Variants in SNX30 observed in about 807,000 individuals in gnomAD.
SNX30 encodes the protein sorting nexin family member 30.
Under a neutral mutation model 46.4 loss-of-function variants are expected in SNX30, and 24 were observed. The ratio of observed to expected loss-of-function variants is 0.52; its 90% CI spans 0.37 to 0.73. SNX30 has a LOEUF of 0.73. SNX30 is among the 30% of genes least tolerant of loss of function. SNX30 has a pLI of 0.00. For missense variants in SNX30, 533 were observed against 555.7 expected (o/e 0.96, Z 0.41); for synonymous variants, 189 against 211.5 (o/e 0.89, Z 0.92).
At chr9:112,877,476 C>G (rs2131531858), downstream of SNX30, 1 of 152,256 alleles carries the variant, frequency 6.6e-6, no homozygotes, top group East Asian at 1.9e-4. Context: ...TGGTCTTGAC[C>G]TCATCTTTCC....
Position 112,868,911 on chromosome 9 carries a change from G to A in SNX30, c.*68G>A. 2 of 1,484,894 alleles carry A rather than the reference G, an allele frequency of 1.3e-6. No individual in the cohort carries two copies. The highest frequency in any genetic ancestry group is 4.5e-5 in the East Asian group (2 of 44,248). The allele number at this position is 1,484,894 out of a possible 1,614,324, so 92.0% of individuals were successfully genotyped here. A position where few individuals can be genotyped will look rare whatever the true frequency, so the allele number is the denominator to read the frequency against. ...TGGCACCCTATACCGGAATGTCCCT[G>A]CAGTGCCAGAGACGCAGTGCTGGGA... On this transcript the variant is annotated 3_prime_UTR_variant, in exon 9 of 9. Transcript: ENST00000374232.
At chr9:112,827,001 G>A (rs189455102) in intron 3 of SNX30, among the ~76,000 whole-genome samples, 244 of 152,320 alleles carry the variant, frequency 1.6e-3, no homozygotes, top group African/African-American at 5.5e-3. Flanking sequence ...GTGTGGGTCT[G>A]TAATTTTATT....
chr9:112,767,836 G>A (rs1009095812), intron 1 of SNX30, among the ~76,000 whole-genome samples: 4 of 152,080 alleles, frequency 2.6e-5, no homozygotes, highest in Non-Finnish European at 2.9e-5. Flanking sequence ...CTGAACTCAC[G>A]CGATCCTCCC....
intron 1 of SNX30, among the ~76,000 whole-genome samples, chr9:112,792,059 G>A (rs1449043134): frequency 6.6e-6 from 1 of 151,948 alleles, no homozygotes; most frequent in African/African-American, 2.4e-5. Context: ...TTTGATACCG[G>A]ATATAGATAG....
At chr9:112,813,618 T>C (rs556243679) in intron 2 of SNX30, among the ~76,000 whole-genome samples, 1 of 152,072 alleles carries the variant, frequency 6.6e-6, no homozygotes, top group African/African-American at 2.4e-5. Context: ...AGACTACAGG[T>C]ATGCACCACC....
At chr9:112,772,792 A>C (rs922004927) in intron 1 of SNX30, among the ~76,000 whole-genome samples, 1 of 152,226 alleles carries the variant, frequency 6.6e-6, no homozygotes, top group Non-Finnish European at 1.5e-5. Context: ...ATATGTCTTC[A>C]AGTGTTGATC....
chr9:112,794,610 G>A (rs180851837), intron 1 of SNX30, among the ~76,000 whole-genome samples: 28 of 152,286 alleles, frequency 1.8e-4, no homozygotes, highest in African/African-American at 6.5e-4. Context: ...TCATTCACTT[G>A]CCCATATTCC....
chr9:112,866,563 A>T lies in SNX30; in HGVS notation c.1254+2164A>T, dbSNP rs1008982732. The stretch of plus-strand genomic sequence containing the variant: ...ACAGACCCCAGATCATCTTCCGTAT[A>T]TAAGGTGGGCTTCAGAGTTTAGCTT... On this transcript the variant is annotated intron_variant, in intron 8 of 8. Transcript: ENST00000374232. The T allele has an allele frequency of 2.3e-4, 107 of 469,214 alleles. 1 individual carries two copies. Among genetic ancestry groups the T allele is most frequent in the South Asian group, 1.6e-3 (100 of 64,060 alleles). 29.1% of individuals were successfully genotyped at this position (469,214 alleles called of 1,614,324 possible).
rs542601826 is a variant in SNX30, at chr9:112,804,477, T to G, written c.157-299T>G. Among the ~76,000 whole-genome samples, 135 of 152,334 alleles carry G rather than the reference T, an allele frequency of 8.9e-4. 1 individual carries two copies. The highest frequency in any genetic ancestry group is 3.1e-3 in the African/African-American group (130 of 41,586). ...ACTGCGCCCAGCCCCTTGTTGAGGT[T>G]TGATGATGGTGGGGCCATTATGTTC... On this transcript the variant is annotated intron_variant, in intron 1 of 8. Transcript: ENST00000374232.
intron 3 of SNX30, among the ~76,000 whole-genome samples, chr9:112,820,331 C>G (rs745663196): frequency 1.5e-4 from 23 of 152,070 alleles, no homozygotes; most frequent in Non-Finnish European, 2.1e-4. Flanking sequence ...CAGCAACCAA[C>G]CCCCCTCATC....
chr9:112,775,781 C>CTTT (rs35535657), intron 1 of SNX30, among the ~76,000 whole-genome samples: 88 of 122,322 alleles, frequency 7.2e-4, no homozygotes, highest in Middle Eastern at 4.7e-3. Context: ...TATGTGTAGT[C>CTTT]TTTTTTTTTT....
At chr9:112,758,973 A>G (rs1169934400) in intron 1 of SNX30, among the ~76,000 whole-genome samples, 2 of 151,996 alleles carry the variant, frequency 1.3e-5, no homozygotes, top group African/African-American at 2.4e-5. Context: ...ACGTGCACAC[A>G]CAGAGAGAAA....
chr9:112,876,234 G>T (rs539740384), downstream of SNX30, among the ~76,000 whole-genome samples: 4 of 152,272 alleles, frequency 2.6e-5, no homozygotes, highest in South Asian at 2.1e-4. Context: ...GAGATTCTTG[G>T]GGGGAGGAGA....
chr9:112,761,506 G>T (rs1291257714), intron 1 of SNX30, among the ~76,000 whole-genome samples: 2 of 152,136 alleles, frequency 1.3e-5, no homozygotes, highest in Non-Finnish European at 2.9e-5. Context: ...CAGGGCTTGG[G>T]ATGGGGAAAG....
At chr9:112,857,946 C>T (rs1426080894) in intron 7 of SNX30, among the ~76,000 whole-genome samples, 1 of 152,186 alleles carries the variant, frequency 6.6e-6, no homozygotes, top group Non-Finnish European at 1.5e-5. Flanking sequence ...CAGAAATGCA[C>T]AGTCCCATCC....
intron 4 of SNX30, among the ~76,000 whole-genome samples, chr9:112,832,563 T>C (rs1459273990): frequency 7.6e-6 from 1 of 131,414 alleles, no homozygotes; most frequent in Admixed American, 9.6e-5. Context: ...TTAAAAAATA[T>C]AAGGTCCTTA....
intron 3 of SNX30, among the ~76,000 whole-genome samples, chr9:112,824,880 G>A (rs7859175): frequency 0.94 from 142,637 of 152,276 alleles, 66,881 homozygotes; most frequent in East Asian, 1. Context: ...GTACATTCAC[G>A]GTGTTGTACG....
chr9:112,778,198 A>G (rs570904360), intron 1 of SNX30, among the ~76,000 whole-genome samples: 39 of 151,774 alleles, frequency 2.6e-4, no homozygotes, highest in Non-Finnish European at 4.7e-4. Context: ...TCTAAGAGTC[A>G]GGGAAGTGGA....
chr9:112,808,910 CAATG>C (rs1411665562), intron 2 of SNX30, among the ~76,000 whole-genome samples: 2 of 152,112 alleles, frequency 1.3e-5, no homozygotes, highest in Non-Finnish European at 2.9e-5. Context: ...TCTTCACACT[CAATG>C]AAGTAGATAT....
Sources: gnomAD v4.1 joint callset for allele counts (sites outside exome capture counted in the v4.1 genomes callset) on GRCh38, gnomAD v4.1.1 for gene constraint, MANE v1.5 for transcripts, NCBI Gene and HGNC (gene_info 2026-07-23, HGNC 2026-07-21) for gene names.